Variants in PFKP observed in about 807,000 individuals in gnomAD.
The protein encoded by PFKP is ATP-dependent 6-phosphofructokinase, platelet type.
PFKP carries 101 observed loss-of-function variants against 94.3 expected under a neutral mutation model. That is an observed-to-expected ratio of 1.07 (90% CI 0.91 to 1.26). PFKP has a LOEUF of 1.26. Ranked by LOEUF, PFKP falls within the 50% of genes most tolerant of loss-of-function variation. The pLI, the probability that PFKP is intolerant of heterozygous loss-of-function variation, is 0.00. For synonymous variants in PFKP, 573 were observed against 432.6 expected, an observed-to-expected ratio of 1.32 and a Z score of -4.03; for missense variants, 1,145 against 1,103.3, an observed-to-expected ratio of 1.04 and a Z score of -0.53.
rs74425936 is a variant in PFKP at position 3,103,712 on chromosome 10, C to G, written c.455-67C>G. 1,183 of 1,560,202 alleles carry G rather than the reference C, an allele frequency of 7.6e-4. 13 individuals are homozygous for G. The East Asian group carries it at 0.02, about 27-fold the overall frequency. On this transcript the variant is annotated intron_variant, in intron 4 of 21. Coordinates refer to ENST00000381125, the MANE Select transcript of PFKP (RefSeq NM_002627.5). ...TACCCATGGCCATTCTGCCTCACCC[C>G]TAGTGGGGCACCCCCCGAACGCGCC...
intron 3 of PFKP, 124 bp downstream of exon 3, chr10:3,099,476 TG>T: frequency 4.0e-6 from 3 of 741,866 alleles, no homozygotes; most frequent in Admixed American, 4.3e-5. Context: ...GAACAGACTT[TG>T]TGAGCAGCTC....
intron 3 of PFKP, among the ~76,000 whole-genome samples, chr10:3,099,860 T>C (rs1254337650): frequency 3.3e-5 from 5 of 151,606 alleles, no homozygotes; most frequent in African/African-American, 1.2e-4. Flanking sequence ...CTGTGTGTGG[T>C]GTATGTGGTG....
At chr10:3,108,934 C>T in intron 9 of PFKP, 141 bp downstream of exon 9, 1 of 674,420 alleles carries the variant, frequency 1.5e-6, no homozygotes, top group Non-Finnish European at 2.7e-6. Flanking sequence ...CTTAACGATC[C>T]TTGAGACCTT....
intron 1 of PFKP, among the ~76,000 whole-genome samples, chr10:3,077,266 T>TC (rs1006169501): frequency 8.0e-6 from 1 of 125,464 alleles, no homozygotes; most frequent in African/African-American, 2.9e-5. Context: ...TTTTTCTTTT[T>TC]TTTTTTTTTT....
chr10:3,119,618 A>T (rs975031440), intron 15 of PFKP, among the ~76,000 whole-genome samples: 2 of 152,090 alleles, frequency 1.3e-5, no homozygotes, highest in African/African-American at 4.8e-5. Flanking sequence ...AAACAAAAAC[A>T]AAAACAAAGT....
intron 16 of PFKP, among the ~76,000 whole-genome samples, chr10:3,128,637 G>A (rs556580772): frequency 3.3e-5 from 5 of 152,256 alleles, no homozygotes; most frequent in South Asian, 2.1e-4. Flanking sequence ...GTTCCCTGGC[G>A]CCTCCTCCTT....
chr10:3,077,318 G>A (rs1832691224), intron 1 of PFKP, among the ~76,000 whole-genome samples: 1 of 132,640 alleles, frequency 7.5e-6, no homozygotes, highest in Admixed American at 8.5e-5. Context: ...CTGGAGTGTA[G>A]TGGCGCAATC....
At chr10:3,116,101 GAAA>G (rs11419779) in intron 13 of PFKP, among the ~76,000 whole-genome samples, 4 of 150,928 alleles carry the variant, frequency 2.7e-5, no homozygotes, top group Admixed American at 6.6e-5. Flanking sequence ...ATTTATGTGG[GAAA>G]AAAAAGCCTG....
At chr10:3,096,358 C>T (rs1488657432) in intron 2 of PFKP, among the ~76,000 whole-genome samples, 1 of 152,184 alleles carries the variant, frequency 6.6e-6, no homozygotes, top group Non-Finnish European at 1.5e-5. Context: ...GAACTGGCAC[C>T]TTCCCCCCGG....
chr10:3,131,780 C>T (rs1248477662), intron 17 of PFKP, among the ~76,000 whole-genome samples: 1 of 152,140 alleles, frequency 6.6e-6, no homozygotes, highest in East Asian at 1.9e-4. Context: ...GAAATTCTGC[C>T]ATTGCGCCCA....
chr10:3,096,933 C>T (rs1465461202), intron 2 of PFKP, among the ~76,000 whole-genome samples: 1 of 122,214 alleles, frequency 8.2e-6, no homozygotes, highest in African/African-American at 3.2e-5. Context: ...AAAAAATTAG[C>T]CGGGCGTGGT....
In PFKP at chr10:3,129,953, C is replaced by G. The variant is rs1052337; in HGVS notation, c.1818C>G (p.Phe606Leu). The change falls in exon 17 of 22, where the codon TTC (phenylalanine) becomes TTG (leucine). Residue 606 changes from phenylalanine to leucine, a missense_variant. This residue lies in a region of PFKP where 1,119 missense variants were observed against 1,062.8 expected (regional missense o/e 1.05). Transcript: ENST00000381125. Reference sequence around the variant, plus strand: ...CCGGAGCTGATGCCGCATACATTTTCGAAGAGCCCTTCGACATCAGGGATC... The same window carrying G: ...CCGGAGCTGATGCCGCATACATTTTGGAAGAGCCCTTCGACATCAGGGATC... ...LAAGADAAYI[F>L]EEPFDIRDLQ... The G allele has an allele frequency of 6.3e-7, 1 of 1,596,932 alleles. No homozygotes were observed. The highest frequency in any genetic ancestry group is 2.2e-5 in the East Asian group (1 of 44,596).
At chr10:3,121,217 C>A (rs556251760) in intron 16 of PFKP, among the ~76,000 whole-genome samples, 1 of 152,310 alleles carries the variant, frequency 6.6e-6, no homozygotes, top group South Asian at 2.1e-4. Context: ...CAACTTTCAC[C>A]TTATTTTTGG....
intron 16 of PFKP, among the ~76,000 whole-genome samples, chr10:3,126,370 T>C (rs1046637042): frequency 9.8e-5 from 15 of 152,332 alleles, no homozygotes; most frequent in African/African-American, 3.6e-4. Flanking sequence ...CAGGACTTCC[T>C]TGGGCCCCGC....
intron 14 of PFKP, among the ~76,000 whole-genome samples, chr10:3,118,044 G>A (rs1837008048): frequency 6.6e-6 from 1 of 152,242 alleles, no homozygotes; most frequent in African/African-American, 2.4e-5. Context: ...GTCTGGTGTT[G>A]CACTTGTTAG....
chr10:3,122,742 C>CA (rs981056767), intron 16 of PFKP, among the ~76,000 whole-genome samples: 72 of 152,304 alleles, frequency 4.7e-4, no homozygotes, highest in African/African-American at 1.7e-3. Flanking sequence ...GTAGATGGCT[C>CA]CAGTATACTG....
chr10:3,086,567 C>G (rs1197832790), intron 2 of PFKP, among the ~76,000 whole-genome samples: 2 of 152,162 alleles, frequency 1.3e-5, no homozygotes, highest in East Asian at 1.9e-4. Flanking sequence ...TACCGCACAT[C>G]CTACGATGGA....
rs749948852 is a variant in PFKP at position 3,129,860 on chromosome 10, G to A, written c.1725G>A (p.Arg575=). ...AGCAGTCCGCCAGCGGAACCAAGCGGCGCGTGTTCATCATCGAGACCATGG... is the reference window on the plus strand; with the variant it reads ...AGCAGTCCGCCAGCGGAACCAAGCGACGCGTGTTCATCATCGAGACCATGG... ...RIKQSASGTK[R]RVFIIETMGG... The change falls in exon 17 of 22, where the codon CGG becomes CGA. Residue 575 remains arginine, a synonymous_variant. Transcript: ENST00000381125. The A allele has an allele frequency of 1.2e-6, 2 of 1,613,706 alleles. No individual in the cohort carries two copies. Among genetic ancestry groups the A allele is most frequent in the Non-Finnish European group, 1.7e-6 (2 of 1,180,000 alleles).
intron 1 of PFKP, among the ~76,000 whole-genome samples, chr10:3,080,930 G>A (rs1272966816): frequency 1.3e-5 from 2 of 152,118 alleles, no homozygotes; most frequent in Non-Finnish European, 2.9e-5. Flanking sequence ...GCAAGAGAGA[G>A]GTTACAGCGG....
Sources: gnomAD v4.1 joint callset for allele counts (sites outside exome capture counted in the v4.1 genomes callset) on GRCh38, gnomAD v4.1.1 for gene constraint, gnomAD v4.1.1 regional missense constraint, MANE v1.5 for transcripts, NCBI Gene and HGNC (gene_info 2026-07-23, HGNC 2026-07-21) for gene names.